Variants in DNAJB4 observed in about 807,000 individuals in gnomAD.
DNAJB4 encodes the protein dnaJ homolog subfamily B member 4.
Under a neutral mutation model 26.6 loss-of-function variants are expected in DNAJB4, and 10 were observed. The ratio of observed to expected loss-of-function variants is 0.38; its 90% CI spans 0.23 to 0.64. DNAJB4 has a LOEUF of 0.64. Ranked by LOEUF, DNAJB4 falls within the 30% of genes least tolerant of loss-of-function variation. DNAJB4 has a pLI of 0.58. For missense variants in DNAJB4, 328 were observed against 408.2 expected, an observed-to-expected ratio of 0.80 and a Z score of 1.69; for synonymous variants, 136 against 134.8, an observed-to-expected ratio of 1.01 and a Z score of -0.06.
chr1:78,001,739 G>T (rs1660200019), upstream of DNAJB4, among the ~76,000 whole-genome samples: 1 of 152,070 alleles, frequency 6.6e-6, no homozygotes, highest in African/African-American at 2.4e-5. Context: ...TGTTGCCCAG[G>T]CTGGTCTTGA....
chr1:78,012,081 T>C (rs886986217), intron 1 of DNAJB4, among the ~76,000 whole-genome samples: 2 of 149,302 alleles, frequency 1.3e-5, no homozygotes, highest in Admixed American at 6.7e-5. Flanking sequence ...TAGATACTTA[T>C]ATAATTTATA....
intron 1 of DNAJB4, among the ~76,000 whole-genome samples, chr1:78,009,919 C>T (rs974689647): frequency 1.3e-5 from 2 of 152,126 alleles, no homozygotes; most frequent in African/African-American, 4.8e-5. Flanking sequence ...CCACTGTGCC[C>T]AGCCTAGGAT....
intron 2 of DNAJB4, among the ~76,000 whole-genome samples, chr1:78,015,008 G>C (rs1164702248): frequency 6.6e-6 from 1 of 152,138 alleles, no homozygotes; most frequent in Non-Finnish European, 1.5e-5. Context: ...CTTAGTTCAA[G>C]CATCCTCTAC....
At chr1:77,991,427 C>T (rs911155742) in intron 1 of DNAJB4, among the ~76,000 whole-genome samples, 4 of 152,082 alleles carry the variant, frequency 2.6e-5, no homozygotes, top group Admixed American at 2.6e-4. Flanking sequence ...TTTAGACATA[C>T]GCATGTTCAG....
At chr1:77,981,258 C>T (rs1659634333) in intron 1 of DNAJB4, 1 of 150,526 alleles carries the variant, frequency 6.6e-6, no homozygotes, top group African/African-American at 2.5e-5. Context: ...CTCCCAGGTT[C>T]AAGAGATTCT....
chr1:78,013,976 T>G (rs1660564760), intron 2 of DNAJB4, among the ~76,000 whole-genome samples: 2 of 152,020 alleles, frequency 1.3e-5, no homozygotes, highest in African/African-American at 4.8e-5. Context: ...CAAAAAAGAT[T>G]AGAAGAAAAT....
chr1:78,012,154 CTTTTCTTTTTTTTTTTT>C (rs1242269273), intron 1 of DNAJB4, among the ~76,000 whole-genome samples: 1 of 69,342 alleles, frequency 1.4e-5, no homozygotes, highest in Non-Finnish European at 2.7e-5. Flanking sequence ...TTTTTCTTTT[CTTTTCTTTTTTTTTTTT>C]TTTTTTTTTG....
intron 1 of DNAJB4, among the ~76,000 whole-genome samples, chr1:77,996,306 A>G (rs1463571025): frequency 1.3e-5 from 2 of 151,862 alleles, no homozygotes; most frequent in Non-Finnish European, 2.9e-5. Context: ...GGCACATGCC[A>G]CCATGCCTGG....
intron 1 of DNAJB4, among the ~76,000 whole-genome samples, chr1:77,999,435 T>G (rs1246040142): frequency 6.6e-6 from 1 of 151,768 alleles, no homozygotes; most frequent in East Asian, 1.9e-4. Context: ...AACAGGTTTT[T>G]TTTTTTTTTA....
chr1:77,994,806 GTAT>G (rs1660022684), intron 1 of DNAJB4, among the ~76,000 whole-genome samples: 1 of 152,020 alleles, frequency 6.6e-6, no homozygotes, highest in Non-Finnish European at 1.5e-5. Flanking sequence ...TAAGTGTAAA[GTAT>G]TATTTTGAAA....
intron 1 of DNAJB4, among the ~76,000 whole-genome samples, chr1:77,987,994 A>G (rs951754469): frequency 2.2e-4 from 33 of 148,082 alleles, no homozygotes; most frequent in Non-Finnish European, 4.3e-4. Context: ...TACATAATAT[A>G]TATGCATACA....
chr1:77,983,425 G>A (rs1659715379), intron 1 of DNAJB4, among the ~76,000 whole-genome samples: 1 of 152,202 alleles, frequency 6.6e-6, no homozygotes, highest in South Asian at 2.1e-4. Context: ...CTTTACGGGT[G>A]TCGGGCTTGG....
At position 78,005,141 on chromosome 1, in the gene DNAJB4, A is replaced by G. The variant is rs767414778; in HGVS notation, c.31A>G (p.Ile11Val). ...GAAAGACTATTATTGCATTTTGGGA[A>G]TTGAGAAAGGAGCTTCAGATGAAGA... MGKDYYCILG[I>V]EKGASDEDIK... is the part of the protein sequence containing the mutation. The change falls in exon 1 of 3, where the codon ATT becomes GTT. Residue 11 changes from isoleucine (I) to valine (V), a missense_variant. Ile to Val is a conservative substitution (Grantham distance 29). Transcript: ENST00000370763. The G allele has an allele frequency of 6.2e-7, 1 of 1,613,906 alleles. No individual in the cohort carries two copies. Among genetic ancestry groups the G allele is most frequent in the Non-Finnish European group, 8.5e-7 (1 of 1,179,924 alleles).
At chr1:77,992,139 C>T (rs938727341) in intron 1 of DNAJB4, among the ~76,000 whole-genome samples, 13 of 152,014 alleles carry the variant, frequency 8.6e-5, no homozygotes, top group African/African-American at 2.2e-4. Flanking sequence ...TGAGGCCGGG[C>T]GCGGTGGCTC....
chr1:78,011,988 A>G (rs1660491370), intron 1 of DNAJB4, among the ~76,000 whole-genome samples: 1 of 148,722 alleles, frequency 6.7e-6, no homozygotes, highest in African/African-American at 2.4e-5. Flanking sequence ...TGTAATAAAA[A>G]TTAAAGATTT....
chr1:77,997,783 AC>A (rs780108848), intron 1 of DNAJB4, among the ~76,000 whole-genome samples: 10 of 151,710 alleles, frequency 6.6e-5, no homozygotes, highest in Admixed American at 1.3e-4. Flanking sequence ...ATAATAATTA[AC>A]TTTTTTTTTC....
intron 1 of DNAJB4, among the ~76,000 whole-genome samples, chr1:77,986,205 G>A (rs998730352): frequency 2.0e-5 from 3 of 152,126 alleles, no homozygotes; most frequent in African/African-American, 7.2e-5. Flanking sequence ...CCAGGTTACA[G>A]CCCGGGAACT....
At chr1:78,004,926 G>A, upstream of DNAJB4, 1 of 626,632 alleles carries the variant, frequency 1.6e-6, no homozygotes, top group Non-Finnish European at 2.8e-6. Flanking sequence ...ATCTGTAAGT[G>A]AGCCGTTGGG....
chr1:78,013,550 C>A lies in DNAJB4; in HGVS notation c.711C>A (p.Asp237Glu). ...IPADIVFIIKDKDHPKFKRDG... is the reference protein window; with the variant it reads ...IPADIVFIIKEKDHPKFKRDG... Reference sequence around the variant, plus strand: ...CAGACATTGTTTTTATCATTAAAGACAAAGATCATCCAAAATTTAAAAGGG... The same window carrying A: ...CAGACATTGTTTTTATCATTAAAGAAAAAGATCATCCAAAATTTAAAAGGG... Residue 237 changes from aspartate (D) to glutamate (E), a missense_variant, in exon 2 of 3, where the codon GAC becomes GAA. By Grantham distance (45) the Asp-to-Glu change is conservative. Coordinates refer to ENST00000370763, the MANE Select transcript of DNAJB4 (RefSeq NM_007034.5). 1.2e-6 allele frequency: 2 copies of A among 1,611,322 alleles called. No homozygotes were observed. The highest frequency in any genetic ancestry group is 1.7e-6 in the Non-Finnish European group (2 of 1,179,574).
Sources: allele counts gnomAD v4.1 joint callset (sites outside exome capture counted in the v4.1 genomes callset), GRCh38; gene constraint gnomAD v4.1.1; transcripts MANE v1.5; gene names NCBI Gene and HGNC (gene_info 2026-07-23, HGNC 2026-07-21).